The following RUNDC1 variants were observed in gnomAD, a reference collection of about 807,000 sequenced individuals.
RUNDC1 encodes RUN domain containing 1.
RUNDC1 carries 31 observed loss-of-function variants against 49.3 expected under a neutral mutation model. The observed-to-expected ratio is 0.63, with a 90% CI of 0.47 to 0.85. RUNDC1 has a LOEUF of 0.85. Among genes scored for constraint, RUNDC1 ranks in the 40% least tolerant of loss-of-function variants. RUNDC1 has a pLI of 0.00. For synonymous variants in RUNDC1, 347 were observed against 348.6 expected, an observed-to-expected ratio of 1.00 and a Z score of 0.05; for missense variants, 715 against 806.7, an observed-to-expected ratio of 0.89 and a Z score of 1.38.
Position 42,991,231 on chromosome 17 carries a change from A to T in RUNDC1, c.1357A>T (p.Met453Leu), listed in dbSNP as rs993120103. The T allele has an allele frequency of 1.1e-5, 17 of 1,614,038 alleles. No homozygotes were observed. The Admixed American group carries it at 1.5e-4, about 14-fold the overall frequency. Residue 453 changes from methionine to leucine, a missense_variant, in exon 5 of 5, where the codon ATG becomes TTG. Transcript: ENST00000361677. Reference protein sequence around the residue: ...YASSPGMSLVMAPIACLLPAF... With the variant: ...YASSPGMSLVLAPIACLLPAF... The stretch of plus-strand genomic sequence containing the variant: ...CTCCTCCCCAGGGATGAGCCTTGTT[A>T]TGGCTCCTATTGCTTGTTTGCTGCC...
rs2050284330 is a variant in RUNDC1 at position 42,994,601 on chromosome 17, C to T, written c.*2885C>T. 1.3e-5 allele frequency among the ~76,000 whole-genome samples: 2 copies of T among 152,206 alleles called. No homozygotes were observed. Among genetic ancestry groups the T allele is most frequent in the African/African-American group, 4.8e-5 (2 of 41,438 alleles). On this transcript the variant is annotated 3_prime_UTR_variant, in exon 5 of 5. Coordinates refer to ENST00000361677, the MANE Select transcript of RUNDC1 (RefSeq NM_173079.5). The stretch of plus-strand genomic sequence containing the variant: ...TTTGGGGAGGAGAAGGTATTTTCTA[C>T]ACAACTGCCAGAAATTTCAGCTGCC...
At position 42,990,373 on chromosome 17, in the gene RUNDC1, G is replaced by C; in HGVS notation, c.913G>C (p.Gly305Arg). ...GGGHCECKAG[G>R]KTGNGCSRTG... ...TGGACACTGTGAGTGCAAGGCCGGT[G>C]GGAAGACAGGAAATGGCTGCAGCAG... The change falls in exon 4 of 5, where the codon GGG becomes CGG. Residue 305 changes from glycine (G) to arginine (R), a missense_variant. Transcript: ENST00000361677. 2 of 1,614,114 alleles carry C rather than the reference G, an allele frequency of 1.2e-6. No homozygotes were observed. Among genetic ancestry groups the C allele is most frequent in the Non-Finnish European group, 1.7e-6 (2 of 1,180,024 alleles).
At chr17:42,983,069 T>C (rs1467489461) in intron 1 of RUNDC1, among the ~76,000 whole-genome samples, 5 of 149,168 alleles carry the variant, frequency 3.4e-5, no homozygotes, top group Non-Finnish European at 5.9e-5. Flanking sequence ...ATCCCAACAC[T>C]TGGGGAGGCG....
chr17:42,986,787 C>T (rs1277337342), intron 1 of RUNDC1, among the ~76,000 whole-genome samples: 4 of 152,184 alleles, frequency 2.6e-5, no homozygotes, highest in Non-Finnish European at 4.4e-5. Context: ...GCGTGAGCTA[C>T]CGGGCCCGGC....
At position 42,991,877 on chromosome 17, in the gene RUNDC1, A is replaced by T; in HGVS notation, c.*161A>T. 2.8e-6 allele frequency: 2 copies of T among 726,824 alleles called. No individual in the cohort carries two copies. Among genetic ancestry groups the T allele is most frequent in the East Asian group, 5.3e-5 (2 of 37,528 alleles). The allele number at this position is 726,824 out of a possible 1,614,324, so 45.0% of individuals were successfully genotyped here. The stretch of plus-strand genomic sequence containing the variant: ...AGTGCAAAGTCTGTTTTCCCCACCA[A>T]CTTAGCTCTCGGAAAGATGTGCTGG... On this transcript the variant is annotated 3_prime_UTR_variant, in exon 5 of 5. Coordinates refer to ENST00000361677, the MANE Select transcript of RUNDC1 (RefSeq NM_173079.5).
Position 42,982,848 on chromosome 17 carries a change from A to AT in RUNDC1, c.498+1775dup, listed in dbSNP as rs529050774. Among the ~76,000 whole-genome samples, 7 of 150,638 alleles carry AT rather than the reference A, an allele frequency of 4.6e-5. No individual in the cohort carries two copies. In the South Asian group the frequency reaches 1.5e-3, roughly 32 times the overall value. On this transcript the variant is annotated intron_variant, in intron 1 of 4. Coordinates refer to ENST00000361677, the MANE Select transcript of RUNDC1 (RefSeq NM_173079.5). ...AAAAAAAAAAAAAAACTAGCCAGAC[A>AT]TGGTGGCACATTCCTGTAATCCCAG...
In RUNDC1 at chr17:42,991,142, C is replaced by G. The variant is rs1016355447; in HGVS notation, c.1268C>G (p.Thr423Ser). Residue 423 changes from threonine to serine, a missense_variant, in exon 5 of 5, where the codon ACT becomes AGT. Physicochemically the swap from Thr to Ser is moderately conservative, Grantham distance 58. This residue lies in a region of RUNDC1 where 425 missense variants were observed against 499.7 expected (regional missense o/e 0.85). Transcript: ENST00000361677. ...TCTCTGGGAGGCAAGGATGAGCTGACTATGGCTGTGCGGAAGGAGCTAACG... is the reference window on the plus strand; with the variant it reads ...TCTCTGGGAGGCAAGGATGAGCTGAGTATGGCTGTGCGGAAGGAGCTAACG... ...DLSLGGKDEL[T>S]MAVRKELTVA... 3 of 1,614,102 alleles carry G rather than the reference C, an allele frequency of 1.9e-6. No individual in the cohort carries two copies. In the African/African-American group the frequency reaches 4.0e-5, roughly 22 times the overall value.
intron 1 of RUNDC1, among the ~76,000 whole-genome samples, chr17:42,986,394 G>T (rs536771210): frequency 2.6e-5 from 4 of 152,288 alleles, no homozygotes; most frequent in African/African-American, 7.2e-5. Context: ...TGCAGTTACA[G>T]GCGTGAGACA....
rs1182592568 is a variant in RUNDC1 at position 42,991,620 on chromosome 17, T to C, written c.1746T>C (p.Ser582=). 1 of 1,613,874 alleles carries C rather than the reference T, an allele frequency of 6.2e-7. No individual in the cohort carries two copies. Among genetic ancestry groups the C allele is most frequent in the African/African-American group, 1.3e-5 (1 of 74,864 alleles). Residue 582 remains serine, a synonymous_variant, in exon 5 of 5, where the codon AGT becomes AGC. Transcript: ENST00000361677. ...WSYMAHTGFE[S]ALNLLSRLSS... ...ACATGGCACACACAGGCTTTGAGAG[T>C]GCCCTCAACCTGCTCAGTCGCCTCA...
At position 42,991,643 on chromosome 17, in the gene RUNDC1, T is replaced by A; in HGVS notation, c.1769T>A (p.Leu590His). The change falls in exon 5 of 5, where the codon CTC becomes CAC. Residue 590 changes from leucine (L) to histidine (H), a missense_variant. Coordinates refer to ENST00000361677, the MANE Select transcript of RUNDC1 (RefSeq NM_173079.5). Reference protein sequence around the residue: ...FESALNLLSRLSSLKFSLPVD... With the variant: ...FESALNLLSRHSSLKFSLPVD... ...AGTGCCCTCAACCTGCTCAGTCGCC[T>A]CAGCAGCCTCAAGTTTAGCCTCCCT... 6.2e-7 allele frequency: 1 copy of A among 1,614,098 alleles called. No homozygotes were observed. Among genetic ancestry groups the A allele is most frequent in the Non-Finnish European group, 8.5e-7 (1 of 1,180,026 alleles).
In RUNDC1 at chr17:42,991,537, G is replaced by A; in HGVS notation, c.1663G>A (p.Val555Met). ...ALNEQRLVSW[V>M]NLICKSGSLI... is the part of the protein sequence containing the mutation. Reference sequence around the variant, plus strand: ...GAATGAGCAGCGTCTGGTGTCCTGGGTGAACCTCATCTGCAAGTCCGGGTC... The same window carrying A: ...GAATGAGCAGCGTCTGGTGTCCTGGATGAACCTCATCTGCAAGTCCGGGTC... The change falls in exon 5 of 5, where the codon GTG (valine) becomes ATG (methionine). Residue 555 changes from valine (V) to methionine (M), a missense_variant. Val to Met is a conservative substitution (Grantham distance 21). Around this residue, in one of 5 missense-constraint regions of RUNDC1, gnomAD observed 425 missense variants for 499.7 expected, o/e 0.85. Coordinates refer to ENST00000361677, the MANE Select transcript of RUNDC1 (RefSeq NM_173079.5). 6.2e-7 allele frequency: 1 copy of A among 1,614,116 alleles called. No individual in the cohort carries two copies. The highest frequency in any genetic ancestry group is 8.5e-7 in the Non-Finnish European group (1 of 1,180,010).
In RUNDC1 at chr17:42,980,913, C is replaced by G. The variant is rs1200917007; in HGVS notation, c.337C>G (p.Arg113Gly). 5.2e-6 allele frequency: 8 copies of G among 1,530,010 alleles called. No individual in the cohort carries two copies. The highest frequency in any genetic ancestry group is 7.0e-6 in the Non-Finnish European group (8 of 1,144,954). The allele number at this position is 1,530,010 out of a possible 1,614,324, so 94.8% of individuals were successfully genotyped here. ...QVQFRLRQVV[R>G]GAPAEQQRLL... ...GCAGTTCCGCCTGCGCCAGGTGGTGCGCGGGGCGCCGGCGGAGCAGCAGCG... is the reference window on the plus strand; with the variant it reads ...GCAGTTCCGCCTGCGCCAGGTGGTGGGCGGGGCGCCGGCGGAGCAGCAGCG... Residue 113 changes from arginine (R) to glycine (G), a missense_variant, in exon 1 of 5, where the codon CGC (arginine) becomes GGC (glycine). By Grantham distance (125) the Arg-to-Gly change is moderately radical. Transcript: ENST00000361677.
At chr17:42,981,122 G>T in intron 1 of RUNDC1, 48 bp downstream of exon 1, 1 of 1,516,778 alleles carries the variant, frequency 6.6e-7, no homozygotes. Flanking sequence ...TAGTGGGGTC[G>T]TGTGGGTGGC....
At chr17:42,981,130 G>A (rs1425859433) in intron 1 of RUNDC1, 56 bp downstream of exon 1, 1 of 1,505,180 alleles carries the variant, frequency 6.6e-7, no homozygotes, top group Non-Finnish European at 8.8e-7. Flanking sequence ...TCGTGTGGGT[G>A]GCGATCCAGA....
intron 1 of RUNDC1, chr17:42,985,639 T>A: frequency 3.4e-6 from 1 of 298,206 alleles, no homozygotes; most frequent in Non-Finnish European, 4.0e-6. Flanking sequence ...CTCTCATTAC[T>A]TACTTCTTCA....
Position 42,991,295 on chromosome 17 carries a change from A to AG in RUNDC1, c.1422dup (p.Leu475AlafsTer9). 2.5e-6 allele frequency: 4 copies of AG among 1,614,062 alleles called. No homozygotes were observed. Among genetic ancestry groups the AG allele is most frequent in the Non-Finnish European group, 2.5e-6 (3 of 1,180,020 alleles). ...GCCCCAGAGGCCATGCACCCGTGGG[A>AG]GCTCTTTGTAAAGTACTACCATGCT... On this transcript the variant is annotated frameshift_variant, in exon 5 of 5. Transcript: ENST00000361677. LOFTEE classifies it high-confidence loss of function.
At chr17:42,990,056 A>C (rs2050218035) in intron 3 of RUNDC1, among the ~76,000 whole-genome samples, 1 of 151,980 alleles carries the variant, frequency 6.6e-6, no homozygotes, top group African/African-American at 2.4e-5. Context: ...CCACTCTCAT[A>C]CTCATTGGTT....
At position 42,980,627 on chromosome 17, in the gene RUNDC1, T is replaced by C. The variant is rs374885370; in HGVS notation, c.51T>C (p.Val17=). 1,269 of 1,607,784 alleles carry C rather than the reference T, an allele frequency of 7.9e-4. 2 individuals are homozygous for C. The highest frequency in any genetic ancestry group is 1.0e-3 in the Non-Finnish European group (1,211 of 1,178,726). ...AAEPVTVVAA[V]GPKAKDEEEE... ...AGCCGGTAACGGTGGTGGCGGCTGT[T>C]GGGCCAAAGGCGAAAGACGAAGAGG... Residue 17 remains valine (V), a synonymous_variant, in exon 1 of 5, where the codon GTT becomes GTC. Transcript: ENST00000361677.
Position 42,994,283 on chromosome 17 carries a change from TTAA to T in RUNDC1, c.*2568_*2570del, listed in dbSNP as rs1441610947. 2.6e-5 allele frequency among the ~76,000 whole-genome samples: 4 copies of T among 152,254 alleles called. No homozygotes were observed. Among genetic ancestry groups the T allele is most frequent in the African/African-American group, 9.6e-5 (4 of 41,472 alleles). On this transcript the variant is annotated 3_prime_UTR_variant, in exon 5 of 5. Coordinates refer to ENST00000361677, the MANE Select transcript of RUNDC1 (RefSeq NM_173079.5). The stretch of plus-strand genomic sequence containing the variant: ...TCAAATCACAAAAACAAAACTTGTA[TTAA>T]GGCTTTGTGCTAGCATTACAGGAAG...
Sources: gnomAD v4.1 joint callset for allele counts (sites outside exome capture counted in the v4.1 genomes callset) on GRCh38, gnomAD v4.1.1 for gene constraint, gnomAD v4.1.1 regional missense constraint, MANE v1.5 for transcripts, NCBI Gene and HGNC (gene_info 2026-07-23, HGNC 2026-07-21) for gene names.